The following ADGRL3 variants were observed in gnomAD, a reference collection of about 807,000 sequenced individuals.
The protein encoded by ADGRL3 is calcium-independent alpha-latrotoxin receptor 3.
In ADGRL3, 62 loss-of-function variants were observed where a neutral mutation model predicts 153.5. The ratio of observed to expected loss-of-function variants is 0.40; its 90% CI spans 0.33 to 0.50. The LOEUF is 0.50. Ranked by LOEUF, ADGRL3 falls within the 20% of genes least tolerant of loss-of-function variation. The probability of loss-of-function intolerance (pLI) is 0.47; values close to 1 mark genes in which losing one functional copy is unlikely to be tolerated. For synonymous variants in ADGRL3, 710 were observed against 672.5 expected (o/e 1.06, Z -0.86); for missense variants, 1,641 against 1,859.4 (o/e 0.88, Z 2.16).
chr4:61,903,280 C>T (rs867740716), intron 11 of ADGRL3, among the ~76,000 whole-genome samples: 1 of 152,060 alleles, frequency 6.6e-6, no homozygotes. Flanking sequence ...TTCAAGGTTT[C>T]ACTTGGTGGT....
At chr4:61,673,824 CATA>C (rs982602532) in intron 5 of ADGRL3, among the ~76,000 whole-genome samples, 2 of 150,680 alleles carry the variant, frequency 1.3e-5, no homozygotes, top group Non-Finnish European at 3.0e-5. Flanking sequence ...TTGATATAAA[CATA>C]GTAATAGAAT....
rs548241584 is a variant in ADGRL3 at position 61,733,059 on chromosome 4, C to T, written c.904C>T (p.Arg302Trp). ...RTRNIVKFDLRTRIKSGEAII... is the reference protein window; with the variant it reads ...RTRNIVKFDLWTRIKSGEAII... The stretch of plus-strand genomic sequence containing the variant: ...CAGGAACATAGTAAAGTTTGATTTG[C>T]GGACTAGGATAAAGAGTGGAGAGGC... Residue 302 changes from arginine (R) to tryptophan (W), a missense_variant, in exon 8 of 27, where the codon CGG becomes TGG. By Grantham distance (101) the Arg-to-Trp change is moderately radical. This residue lies in a region of ADGRL3 where 213 missense variants were observed against 362.1 expected (regional missense o/e 0.59). Coordinates refer to ENST00000683033, the MANE Select transcript of ADGRL3 (RefSeq NM_001387552.1). 6 of 1,613,504 alleles carry T rather than the reference C, an allele frequency of 3.7e-6. No individual in the cohort carries two copies. Among genetic ancestry groups the T allele is most frequent in the African/African-American group, 1.3e-5 (1 of 74,950 alleles).
At chr4:61,785,989 G>T (rs773679437) in intron 8 of ADGRL3, among the ~76,000 whole-genome samples, 1 of 152,096 alleles carries the variant, frequency 6.6e-6, no homozygotes, top group African/African-American at 2.4e-5. Flanking sequence ...ATTCCAGGCC[G>T]GGTGACAGAG....
intron 8 of ADGRL3, among the ~76,000 whole-genome samples, chr4:61,760,380 G>A (rs1001611867): frequency 6.6e-5 from 10 of 152,204 alleles, no homozygotes; most frequent in East Asian, 1.9e-4. Context: ...CCCCAGTCTC[G>A]CTGCTGCCTT....
intron 1 of ADGRL3, among the ~76,000 whole-genome samples, chr4:61,226,794 A>G (rs572394370): frequency 3.2e-5 from 3 of 94,888 alleles, no homozygotes; most frequent in African/African-American, 1.2e-4. Context: ...TGTTAGTAGG[A>G]AAAAAAAAAC....
At chr4:61,457,745 C>G (rs911445420) in intron 2 of ADGRL3, among the ~76,000 whole-genome samples, 15 of 151,780 alleles carry the variant, frequency 9.9e-5, no homozygotes, top group Admixed American at 9.9e-4. Flanking sequence ...AATTATTTAA[C>G]AACTCTTATT....
intron 13 of ADGRL3, among the ~76,000 whole-genome samples, chr4:61,934,588 C>T (rs1384518219): frequency 6.6e-6 from 1 of 152,106 alleles, no homozygotes; most frequent in Non-Finnish European, 1.5e-5. Context: ...TTCTAAGAAG[C>T]AAGCATGCCT....
chr4:61,591,770 A>G (rs1161419665), intron 5 of ADGRL3, among the ~76,000 whole-genome samples: 3 of 151,982 alleles, frequency 2.0e-5, no homozygotes, highest in Admixed American at 6.6e-5. Context: ...CATTAGGAAC[A>G]TGCAGAAAAG....
intron 2 of ADGRL3, among the ~76,000 whole-genome samples, chr4:61,403,690 C>A (rs561074204): frequency 6.6e-6 from 1 of 152,030 alleles, no homozygotes; most frequent in African/African-American, 2.4e-5. Flanking sequence ...GGGAGTCAGA[C>A]GTGCAGTTGA....
Position 61,239,476 on chromosome 4 carries a change from A to ATGCATT in ADGRL3, c.-240+37720_-240+37725dup, listed in dbSNP as rs1177930319. 3.3e-5 allele frequency among the ~76,000 whole-genome samples: 5 copies of ATGCATT among 152,166 alleles called. No individual in the cohort carries two copies. The East Asian group carries it at 7.8e-4, about 24-fold the overall frequency. On this transcript the variant is annotated intron_variant, in intron 1 of 26. Coordinates refer to ENST00000683033, the MANE Select transcript of ADGRL3 (RefSeq NM_001387552.1). Reference sequence around the variant, plus strand: ...GGCTATTAAAATAGCCCTAAAGTAAATGCATTTGCATTTGTTACTATGGAT... The same window carrying ATGCATT: ...GGCTATTAAAATAGCCCTAAAGTAAATGCATTTGCATTTGCATTTGTTACTATGGAT...
At chr4:61,863,145 G>A (rs1477283432) in intron 9 of ADGRL3, among the ~76,000 whole-genome samples, 1 of 151,088 alleles carries the variant, frequency 6.6e-6, no homozygotes, top group Non-Finnish European at 1.5e-5. Flanking sequence ...ATTCCACAAT[G>A]TGCATGATAC....
At chr4:61,866,783 G>A (rs2098402856) in intron 9 of ADGRL3, among the ~76,000 whole-genome samples, 1 of 152,148 alleles carries the variant, frequency 6.6e-6, no homozygotes, top group African/African-American at 2.4e-5. Flanking sequence ...TTTGAGGGAA[G>A]GTTATTTTCT....
intron 5 of ADGRL3, among the ~76,000 whole-genome samples, chr4:61,638,319 A>G (rs888287163): frequency 3.3e-5 from 5 of 152,190 alleles, no homozygotes; most frequent in Non-Finnish European, 5.9e-5. Context: ...TTTCTTGATC[A>G]TAGAAATCAG....
intron 4 of ADGRL3, among the ~76,000 whole-genome samples, chr4:61,536,383 A>C (rs966747479): frequency 6.6e-6 from 1 of 152,108 alleles, no homozygotes. Flanking sequence ...TGTTCTGTAG[A>C]TATCTACTAG....
At chr4:62,005,120 G>A (rs2099153196) in intron 21 of ADGRL3, among the ~76,000 whole-genome samples, 1 of 152,116 alleles carries the variant, frequency 6.6e-6, no homozygotes, top group African/African-American at 2.4e-5. Context: ...GCATTTAAAT[G>A]CATTTAGCAA....
At chr4:61,661,178 T>TA in intron 5 of ADGRL3, among the ~76,000 whole-genome samples, 1 of 152,222 alleles carries the variant, frequency 6.6e-6, no homozygotes, top group East Asian at 1.9e-4. Context: ...TAATGTTATC[T>TA]AACCTATTTG....
At chr4:61,409,404 A>AATATATAT (rs10573056) in intron 2 of ADGRL3, among the ~76,000 whole-genome samples, 1 of 137,894 alleles carries the variant, frequency 7.3e-6, no homozygotes, top group Non-Finnish European at 1.5e-5. Flanking sequence ...AGACATACAT[A>AATATATAT]ATATATATAT....
chr4:61,793,017 A>G (rs2097362809), intron 8 of ADGRL3, among the ~76,000 whole-genome samples: 1 of 151,894 alleles, frequency 6.6e-6, no homozygotes, highest in Non-Finnish European at 1.5e-5. Context: ...TCACAGTTCC[A>G]TGTGGCTGGG....
At chr4:61,621,819 A>G (rs1463712391) in intron 5 of ADGRL3, among the ~76,000 whole-genome samples, 1 of 152,200 alleles carries the variant, frequency 6.6e-6, no homozygotes, top group African/African-American at 2.4e-5. Flanking sequence ...ATTTAAAATT[A>G]AAGAAGAAAA....
Sources: allele counts gnomAD v4.1 joint callset (sites outside exome capture counted in the v4.1 genomes callset), GRCh38; gene constraint gnomAD v4.1.1; regional missense constraint gnomAD v4.1.1; transcripts MANE v1.5; gene names NCBI Gene and HGNC (gene_info 2026-07-23, HGNC 2026-07-21).